The following CADM1 variants were observed in gnomAD, a reference collection of about 807,000 sequenced individuals.
CADM1 encodes the protein cell adhesion molecule 1.
A neutral mutation model predicts 53.1 loss-of-function variants in CADM1; 15 were observed. That is an observed-to-expected ratio of 0.28 (90% CI 0.19 to 0.44). CADM1 has a LOEUF of 0.44. Among genes scored for constraint, CADM1 ranks in the 20% least tolerant of loss-of-function variants. CADM1 has a pLI of 1.00. For synonymous variants in CADM1, 281 were observed against 243.0 expected, an observed-to-expected ratio of 1.16 and a Z score of -1.45; for missense variants, 434 against 611.3, an observed-to-expected ratio of 0.71 and a Z score of 3.06.
chr11:115,331,239 CTTG>C (rs1476343182), intron 1 of CADM1, among the ~76,000 whole-genome samples: 2 of 152,232 alleles, frequency 1.3e-5, no homozygotes, highest in African/African-American at 4.8e-5. Flanking sequence ...CTGCTATATT[CTTG>C]GAAGTCAGTG....
chr11:115,418,488 G>T (rs976428612), intron 1 of CADM1, among the ~76,000 whole-genome samples: 1 of 152,034 alleles, frequency 6.6e-6, no homozygotes, highest in African/African-American at 2.4e-5. Flanking sequence ...AGCCATTGGG[G>T]GTTTGCTTCA....
At chr11:115,363,397 A>G (rs1034892300) in intron 1 of CADM1, among the ~76,000 whole-genome samples, 2 of 152,176 alleles carry the variant, frequency 1.3e-5, no homozygotes, top group Admixed American at 6.5e-5. Context: ...ACGTCTTTTC[A>G]ATATTAAAGA....
At chr11:115,489,819 T>C (rs1305498188) in intron 1 of CADM1, among the ~76,000 whole-genome samples, 5 of 152,176 alleles carry the variant, frequency 3.3e-5, no homozygotes, top group Non-Finnish European at 7.3e-5. Flanking sequence ...GAAGTTTCCT[T>C]TCAGAATGCA....
At chr11:115,304,081 T>C (rs564343546) in intron 1 of CADM1, among the ~76,000 whole-genome samples, 15 of 152,220 alleles carry the variant, frequency 9.9e-5, no homozygotes, top group African/African-American at 2.9e-4. Context: ...TATGTACAAA[T>C]AGTCTGGTTA....
At chr11:115,348,727 G>A (rs1311696500) in intron 1 of CADM1, among the ~76,000 whole-genome samples, 3 of 152,132 alleles carry the variant, frequency 2.0e-5, no homozygotes, top group Non-Finnish European at 4.4e-5. Context: ...TTCTTTAAGA[G>A]TGGATAAGTG....
intron 10 of CADM1, among the ~76,000 whole-genome samples, chr11:115,188,486 T>A (rs1288475995): frequency 1.3e-5 from 2 of 152,266 alleles, no homozygotes; most frequent in East Asian, 3.9e-4. Flanking sequence ...GAAACTGTCA[T>A]TAATGAAGGT....
At chr11:115,389,380 A>C (rs770623981) in intron 1 of CADM1, among the ~76,000 whole-genome samples, 1 of 152,212 alleles carries the variant, frequency 6.6e-6, no homozygotes, top group Non-Finnish European at 1.5e-5. Flanking sequence ...TCCTAATCTC[A>C]TAACTTTATT....
chr11:115,259,750 C>T (rs1218617370), intron 1 of CADM1, among the ~76,000 whole-genome samples: 1 of 152,150 alleles, frequency 6.6e-6, no homozygotes, highest in Middle Eastern at 3.2e-3. Flanking sequence ...CCTCCAAACA[C>T]TGTCCAAGCA....
intron 1 of CADM1, among the ~76,000 whole-genome samples, chr11:115,366,623 G>A (rs1946166348): frequency 6.6e-6 from 1 of 152,144 alleles, no homozygotes; most frequent in Non-Finnish European, 1.5e-5. Flanking sequence ...TGGCACTAGA[G>A]AAAGGAAGAG....
chr11:115,290,379 T>C (rs546018634), intron 1 of CADM1, among the ~76,000 whole-genome samples: 27 of 152,308 alleles, frequency 1.8e-4, no homozygotes, highest in African/African-American at 6.0e-4. Context: ...GGAAGTCTGC[T>C]GGATGGAAGT....
intron 1 of CADM1, among the ~76,000 whole-genome samples, chr11:115,243,470 G>A (rs921916968): frequency 3.3e-5 from 5 of 152,108 alleles, no homozygotes; most frequent in Non-Finnish European, 7.4e-5. Context: ...CAGCTGGACG[G>A]CAGTTATGTT....
chr11:115,367,901 T>A (rs1304128516), intron 1 of CADM1, among the ~76,000 whole-genome samples: 1 of 152,076 alleles, frequency 6.6e-6, no homozygotes, highest in African/African-American at 2.4e-5. Flanking sequence ...TAAGTTTTTT[T>A]AACAACTTGT....
chr11:115,243,477 T>C (rs893722922), intron 1 of CADM1, among the ~76,000 whole-genome samples: 3 of 152,138 alleles, frequency 2.0e-5, no homozygotes, highest in African/African-American at 7.2e-5. Flanking sequence ...ACGGCAGTTA[T>C]GTTACACAGA....
At chr11:115,247,042 C>T (rs939761605) in intron 1 of CADM1, among the ~76,000 whole-genome samples, 2 of 152,132 alleles carry the variant, frequency 1.3e-5, no homozygotes, top group African/African-American at 4.8e-5. Flanking sequence ...ATTCTGTATA[C>T]ACGTTCTTGT....
At chr11:115,336,394 G>A (rs531420641) in intron 1 of CADM1, among the ~76,000 whole-genome samples, 7 of 152,230 alleles carry the variant, frequency 4.6e-5, no homozygotes, top group African/African-American at 1.2e-4. Context: ...TGCACTTTGC[G>A]AAACATGCTT....
intron 7 of CADM1, among the ~76,000 whole-genome samples, chr11:115,214,316 G>C (rs1383250077): frequency 6.6e-6 from 1 of 152,208 alleles, no homozygotes; most frequent in African/African-American, 2.4e-5. Context: ...GAATGTTTCA[G>C]TCATTACTTC....
chr11:115,217,793 A>G (rs1235294858), intron 6 of CADM1, 99 bp downstream of exon 6: 5 of 791,892 alleles, frequency 6.3e-6, no homozygotes, highest in Non-Finnish European at 1.2e-5. Flanking sequence ...CCTTTGCAGC[A>G]GGAGACAGGT....
intron 1 of CADM1, among the ~76,000 whole-genome samples, chr11:115,337,056 A>G (rs1945285515): frequency 6.6e-6 from 1 of 152,194 alleles, no homozygotes; most frequent in Non-Finnish European, 1.5e-5. Context: ...GAATTAATTA[A>G]TTAATGTTTC....
chr11:115,404,926 A>T (rs1317230356), intron 1 of CADM1, among the ~76,000 whole-genome samples: 1 of 152,114 alleles, frequency 6.6e-6, no homozygotes, highest in Non-Finnish European at 1.5e-5. Flanking sequence ...AACTGAGAGA[A>T]GAGAAAACTC....
Sources: gnomAD v4.1 joint callset for allele counts (sites outside exome capture counted in the v4.1 genomes callset) on GRCh38, gnomAD v4.1.1 for gene constraint, MANE v1.5 for transcripts, NCBI Gene and HGNC (gene_info 2026-07-23, HGNC 2026-07-21) for gene names.